Variants in SUFU observed in about 807,000 individuals in gnomAD.
The protein encoded by SUFU is SUFU negative regulator of hedgehog signaling.
SUFU carries 7 observed loss-of-function variants against 58.9 expected under a neutral mutation model. That is an observed-to-expected ratio of 0.12 (90% CI 0.07 to 0.22). The LOEUF (loss-of-function observed/expected upper bound fraction) is 0.22, where lower values mean the gene tolerates loss of function less well. SUFU is among the 10% of genes least tolerant of loss of function. The pLI, the probability that SUFU is intolerant of heterozygous loss-of-function variation, is 1.00. For synonymous variants in SUFU, 232 were observed against 254.8 expected, an observed-to-expected ratio of 0.91 and a Z score of 0.85; for missense variants, 451 against 641.3, an observed-to-expected ratio of 0.70 and a Z score of 3.20.
intron 3 of SUFU, among the ~76,000 whole-genome samples, chr10:102,583,218 A>G (rs1261450305): frequency 2.0e-5 from 3 of 152,170 alleles, no homozygotes; most frequent in Non-Finnish European, 4.4e-5. Context: ...TTCATTGTTA[A>G]GAAAGACCAT....
At chr10:102,577,632 C>T (rs1159598050) in intron 3 of SUFU, among the ~76,000 whole-genome samples, 1 of 152,006 alleles carries the variant, frequency 6.6e-6, no homozygotes, top group Admixed American at 6.5e-5. Flanking sequence ...AGCCACTGCA[C>T]CCAGCCCTCC....
chr10:102,624,482 C>T (rs1358928616), intron 10 of SUFU, among the ~76,000 whole-genome samples: 2 of 152,186 alleles, frequency 1.3e-5, no homozygotes, highest in African/African-American at 4.8e-5. Flanking sequence ...GAGAATGTCA[C>T]CTTTAATATC....
In SUFU at chr10:102,617,313, A is replaced by T; in HGVS notation, c.1181A>T (p.His394Leu). The T allele has an allele frequency of 6.2e-7, 1 of 1,614,210 alleles. No homozygotes were observed. Among genetic ancestry groups the T allele is most frequent in the Non-Finnish European group, 8.5e-7 (1 of 1,180,030 alleles). Residue 394 changes from histidine (H) to leucine (L), a missense_variant, in exon 10 of 12, where the codon CAC (histidine) becomes CTC (leucine). Physicochemically the swap from His to Leu is moderately conservative, Grantham distance 99. Coordinates refer to ENST00000369902, the MANE Select transcript of SUFU (RefSeq NM_016169.4). This position sits in a 1 kb window ranked among gnomAD's most constrained non-coding sequence, Gnocchi z 4.4. ...AGGGGCAGGCTCCTGCATGGACGGC[A>T]CTTTACATATAAAAGTATCACAGGT... ...CLRGRLLHGR[H>L]FTYKSITGDM...
chr10:102,558,348 C>G (rs768118500), intron 3 of SUFU, among the ~76,000 whole-genome samples: 1 of 152,182 alleles, frequency 6.6e-6, no homozygotes, highest in Non-Finnish European at 1.5e-5. Context: ...GTAGCTACGA[C>G]TACAGGTGCA....
rs929740660 is a variant in SUFU at position 102,630,603 on chromosome 10, C to G, written c.*448C>G. ...TCTCTGGAAGCCTTTGCTACTCAAG[C>G]TCCTCTGGCCGCGGAACAATTCCTC... On this transcript the variant is annotated 3_prime_UTR_variant, in exon 12 of 12. Transcript: ENST00000369902. 3.1e-6 allele frequency: 1 copy of G among 325,524 alleles called. No homozygotes were observed. The highest frequency in any genetic ancestry group is 2.0e-5 in the African/African-American group (1 of 49,310). The allele number at this position is 325,524 out of a possible 1,614,324, so 20.2% of individuals were successfully genotyped here.
chr10:102,603,362 C>G (rs4917977), intron 8 of SUFU, among the ~76,000 whole-genome samples: 2 of 151,752 alleles, frequency 1.3e-5, no homozygotes, highest in Non-Finnish European at 2.9e-5. Context: ...ATGCTGGGAA[C>G]CTGCACCAGT....
At chr10:102,560,531 C>T (rs554825831) in intron 3 of SUFU, among the ~76,000 whole-genome samples, 5 of 152,096 alleles carry the variant, frequency 3.3e-5, no homozygotes, top group South Asian at 4.2e-4. Context: ...GCTGGGAGCA[C>T]GCCACTGCAC....
At chr10:102,603,720 A>T (rs1016599409) in intron 8 of SUFU, among the ~76,000 whole-genome samples, 1 of 152,176 alleles carries the variant, frequency 6.6e-6, no homozygotes, top group African/African-American at 2.4e-5. Context: ...CCTCCCCAAC[A>T]TACACACACA....
At chr10:102,608,745 G>A (rs2063589150) in intron 8 of SUFU, among the ~76,000 whole-genome samples, 1 of 152,166 alleles carries the variant, frequency 6.6e-6, no homozygotes, top group African/African-American at 2.4e-5. Context: ...AGCCAGAAGA[G>A]GGTTCTCTGG....
In SUFU at chr10:102,619,568, C is replaced by G; in HGVS notation, c.1296+2140C>G. On this transcript the variant is annotated intron_variant, in intron 10 of 11. Coordinates refer to ENST00000369902, the MANE Select transcript of SUFU (RefSeq NM_016169.4). The surrounding 1 kb of genome is among the most constrained non-coding windows in gnomAD (Gnocchi z 4.2). Reference sequence around the variant, plus strand: ...GAGGCCCCACACCCCAAGCACCCACCCTTGATCACCGAGGGGTTTCTCAGG... The same window carrying G: ...GAGGCCCCACACCCCAAGCACCCACGCTTGATCACCGAGGGGTTTCTCAGG... 1.0e-6 allele frequency: 1 copy of G among 963,896 alleles called. No individual in the cohort carries two copies. The highest frequency in any genetic ancestry group is 1.3e-6 in the Non-Finnish European group (1 of 786,582). 59.7% of individuals were successfully genotyped at this position (963,896 alleles called of 1,614,324 possible).
In SUFU at chr10:102,619,397, G is replaced by T. The variant is rs577726035; in HGVS notation, c.1296+1969G>T. ...ATGGGCTGTTGCCCAGGGAACCGGG[G>T]CGCGGTGGGAACGAGCTGCTGGCCT... is the stretch of plus-strand genomic sequence containing the variant. On this transcript the variant is annotated intron_variant, in intron 10 of 11. Transcript: ENST00000369902. The surrounding 1 kb of genome is among the most constrained non-coding windows in gnomAD (Gnocchi z 4.2). 1 of 1,382,304 alleles carries T rather than the reference G, an allele frequency of 7.2e-7. No individual in the cohort carries two copies. The highest frequency in any genetic ancestry group is 9.4e-7 in the Non-Finnish European group (1 of 1,067,182). 85.6% of individuals were successfully genotyped at this position (1,382,304 alleles called of 1,614,324 possible).
At chr10:102,550,494 A>G (rs1044364131) in intron 3 of SUFU, among the ~76,000 whole-genome samples, 13 of 152,216 alleles carry the variant, frequency 8.5e-5, no homozygotes, top group Admixed American at 7.2e-4. Flanking sequence ...ATGAAGGCCA[A>G]GATACTTTTC....
At chr10:102,568,897 A>AAT (rs1208688793) in intron 3 of SUFU, among the ~76,000 whole-genome samples, 202 of 17,022 alleles carry the variant, frequency 0.012, 12 homozygotes, top group East Asian at 0.041. Flanking sequence ...AAAAAAAAAA[A>AAT]ATATATATAT....
chr10:102,535,525 GAAAT>G (rs1424601628), intron 2 of SUFU, among the ~76,000 whole-genome samples: 8 of 151,464 alleles, frequency 5.3e-5, no homozygotes, highest in Non-Finnish European at 7.4e-5. Flanking sequence ...AAAAAAGAAA[GAAAT>G]AAGAGCTTTT....
At position 102,584,523 on chromosome 10, in the gene SUFU, A is replaced by T. The variant is rs539109352; in HGVS notation, c.455-8059A>T. 2.0e-5 allele frequency among the ~76,000 whole-genome samples: 3 copies of T among 152,292 alleles called. No homozygotes were observed. In the East Asian group the frequency reaches 5.8e-4, roughly 29 times the overall value. On this transcript the variant is annotated intron_variant, in intron 3 of 11. Transcript: ENST00000369902. ...GTCTTGGTGATTTTGTCTCAGCTCT[A>T]TATGACTCTTTAAACCTTGAACAGC...
intron 3 of SUFU, among the ~76,000 whole-genome samples, chr10:102,580,947 C>T (rs9783158): frequency 0.52 from 79,022 of 151,592 alleles, 21,093 homozygotes; most frequent in Middle Eastern, 0.63. Context: ...TCTGGGAGGC[C>T]GAGACAGGTG....
intron 4 of SUFU, among the ~76,000 whole-genome samples, 187 bp from the exon 5 acceptor site, chr10:102,593,449 G>A (rs1045043238): frequency 6.6e-6 from 1 of 152,218 alleles, no homozygotes; most frequent in African/African-American, 2.4e-5. Context: ...TGTGGACCCA[G>A]CCATTTCCCA....
intron 3 of SUFU, among the ~76,000 whole-genome samples, chr10:102,553,264 G>A (rs894584788): frequency 9.9e-5 from 15 of 152,082 alleles, no homozygotes; most frequent in Non-Finnish European, 2.2e-4. Flanking sequence ...AAAAGTAAAT[G>A]GTAACTGATT....
intron 3 of SUFU, among the ~76,000 whole-genome samples, chr10:102,570,810 T>C (rs1222430867): frequency 6.6e-6 from 1 of 152,190 alleles, no homozygotes; most frequent in Non-Finnish European, 1.5e-5. Context: ...CCTATGTGGG[T>C]GGATTCTATG....
Sources: gnomAD v4.1 joint callset for allele counts (sites outside exome capture counted in the v4.1 genomes callset) on GRCh38, gnomAD v4.1.1 for gene constraint, Gnocchi (gnomAD v3.1) non-coding constraint, MANE v1.5 for transcripts, NCBI Gene and HGNC (gene_info 2026-07-23, HGNC 2026-07-21) for gene names.